PRKCQ: variants seen among roughly 807,000 people sequenced by gnomAD.
PRKCQ encodes protein kinase C theta type.
A neutral mutation model predicts 91.2 loss-of-function variants in PRKCQ; 41 were observed. The observed-to-expected ratio is 0.45, with a 90% CI of 0.35 to 0.58. The LOEUF (loss-of-function observed/expected upper bound fraction) is 0.58, where lower values mean the gene tolerates loss of function less well. PRKCQ is among the 20% of genes least tolerant of loss of function. The pLI, the probability that PRKCQ is intolerant of heterozygous loss-of-function variation, is 0.00. For missense variants in PRKCQ, 673 were observed against 896.5 expected (o/e 0.75, Z 3.18); for synonymous variants, 307 against 316.9 (o/e 0.97, Z 0.33).
In PRKCQ at chr10:6,544,167, G is replaced by A. The variant is rs143735319; in HGVS notation, c.-9-29023C>T. Among the ~76,000 whole-genome samples the A allele has an allele frequency of 4.8e-3, 730 of 152,256 alleles. 8 individuals are homozygous for A. The highest frequency in any genetic ancestry group is 0.017 in the South Asian group (83 of 4,816). On this transcript the variant is annotated intron_variant, in intron 1 of 17. Transcript: ENST00000263125. ...CAAAGGGTTATGTAGAATATTCATG[G>A]GAATTTTACCAATGGGGAAAATCAA...
intron 1 of PRKCQ, among the ~76,000 whole-genome samples, chr10:6,556,507 G>A (rs1451439939): frequency 1.3e-5 from 2 of 150,782 alleles, no homozygotes; most frequent in Admixed American, 6.6e-5. Flanking sequence ...GAGACAAAGA[G>A]TAGAAGGGGG....
At position 6,465,371 on chromosome 10, in the gene PRKCQ, G is replaced by A. The variant is rs111925139; in HGVS notation, c.1354-967C>T. ...TCAGTAGAGCTGGGGCCCTCGAGTGGCCACAGTCAGAAGTAGGGCTGGGTG... is the reference window on the plus strand; with the variant it reads ...TCAGTAGAGCTGGGGCCCTCGAGTGACCACAGTCAGAAGTAGGGCTGGGTG... On this transcript the variant is annotated intron_variant, in intron 12 of 17. Transcript: ENST00000263125. This position sits in a 1 kb window ranked among gnomAD's most constrained non-coding sequence, Gnocchi z 4.4. Among the ~76,000 whole-genome samples, 2,360 of 152,254 alleles carry A rather than the reference G, an allele frequency of 0.016. 23 individuals are homozygous for A. Among genetic ancestry groups the A allele is most frequent in the Non-Finnish European group, 0.025 (1,723 of 68,020 alleles).
At chr10:6,463,848 G>T (rs1044460942) in intron 13 of PRKCQ, among the ~76,000 whole-genome samples, 1 of 152,166 alleles carries the variant, frequency 6.6e-6, no homozygotes, top group Non-Finnish European at 1.5e-5. Flanking sequence ...CCCGTCTCCA[G>T]GTGTCTCAGG....
intron 1 of PRKCQ, among the ~76,000 whole-genome samples, chr10:6,559,594 G>A (rs1277770281): frequency 6.6e-6 from 1 of 152,062 alleles, no homozygotes; most frequent in Non-Finnish European, 1.5e-5. Flanking sequence ...CCTGACCTCA[G>A]GTGATCTGCC....
At chr10:6,479,768 A>G (rs1344365441) in intron 11 of PRKCQ, among the ~76,000 whole-genome samples, 2 of 20,162 alleles carry the variant, frequency 9.9e-5, no homozygotes, top group East Asian at 2.8e-3. Flanking sequence ...CGTCTCGACT[A>G]AAAAAAAAAA....
At chr10:6,404,255 G>GGAGAGAGAGAGAGAGAGA in the PRKCQ span, among the ~76,000 whole-genome samples, 15 of 34,366 alleles carry the variant, frequency 4.4e-4, 1 homozygote, top group Non-Finnish European at 7.9e-4. Flanking sequence ...GAAGGGGGGG[G>GGAGAGAGAGAGAGAGAGA]GAGAGAGAGA....
downstream of PRKCQ, among the ~76,000 whole-genome samples, chr10:6,424,892 A>G (rs1833079683): frequency 6.6e-6 from 1 of 152,154 alleles, no homozygotes; most frequent in South Asian, 2.1e-4. Flanking sequence ...ACCCTGAGGT[A>G]AAGTTCTCAT....
rs551002386 is a variant in PRKCQ, at chr10:6,553,793, T to C, written c.-10+26418A>G. Among the ~76,000 whole-genome samples, 24 of 152,322 alleles carry C rather than the reference T, an allele frequency of 1.6e-4. No individual in the cohort carries two copies. The South Asian group carries it at 4.8e-3, about 30-fold the overall frequency. On this transcript the variant is annotated intron_variant, in intron 1 of 17. Coordinates refer to ENST00000263125, the MANE Select transcript of PRKCQ (RefSeq NM_006257.5). The stretch of plus-strand genomic sequence containing the variant: ...TACTTCCAAATTTCTTACCAAACTT[T>C]AAAATCTATAAATGTGTCACTAAAT...
chr10:6,395,054 G>GTTTTT, the PRKCQ span, among the ~76,000 whole-genome samples: 2,069 of 129,534 alleles, frequency 0.016, 58 homozygotes, highest in Non-Finnish European at 0.025. Flanking sequence ...GGAAGCTGGA[G>GTTTTT]TCTTTTTTTT....
At chr10:6,531,574 C>T (rs543948051) in intron 1 of PRKCQ, among the ~76,000 whole-genome samples, 2 of 151,776 alleles carry the variant, frequency 1.3e-5, no homozygotes, top group African/African-American at 4.8e-5. Flanking sequence ...TTCCTCACCA[C>T]TTCTCATCAC....
downstream of PRKCQ, among the ~76,000 whole-genome samples, chr10:6,425,696 T>A (rs938250122): frequency 2.6e-5 from 4 of 152,156 alleles, no homozygotes; most frequent in Non-Finnish European, 5.9e-5. Context: ...TGATGAGGCC[T>A]GTAATCCCAG....
chr10:6,406,789 C>T, the PRKCQ span, among the ~76,000 whole-genome samples: 1 of 152,144 alleles, frequency 6.6e-6, no homozygotes, highest in African/African-American at 2.4e-5. Context: ...ACTGTCAAAA[C>T]CAACAAGGAA....
At chr10:6,395,534 G>A in the PRKCQ span, among the ~76,000 whole-genome samples, 1 of 152,148 alleles carries the variant, frequency 6.6e-6, no homozygotes, top group Admixed American at 6.5e-5. Context: ...AGCTTAGGGA[G>A]GGTCAGAATC....
At chr10:6,500,706 T>A (rs1008593554) in intron 4 of PRKCQ, among the ~76,000 whole-genome samples, 3 of 152,114 alleles carry the variant, frequency 2.0e-5, no homozygotes, top group African/African-American at 7.2e-5. Context: ...GTTTTTGCAA[T>A]TTTTTTTCTT....
the PRKCQ span, among the ~76,000 whole-genome samples, chr10:6,421,467 A>G: frequency 3.9e-5 from 6 of 152,224 alleles, no homozygotes. This position sits in a 1 kb window ranked among gnomAD's most constrained non-coding sequence, Gnocchi z 4.1. Context: ...CCTGGGTGAC[A>G]CAGTGAGGCC....
chr10:6,426,826 C>A (rs1029145920), downstream of PRKCQ, among the ~76,000 whole-genome samples: 3 of 152,240 alleles, frequency 2.0e-5, no homozygotes, highest in African/African-American at 7.2e-5. Context: ...GACTTCCTCA[C>A]CCTTTGTCTT....
chr10:6,522,115 T>C (rs547651614), intron 1 of PRKCQ, among the ~76,000 whole-genome samples: 1 of 152,208 alleles, frequency 6.6e-6, no homozygotes, highest in East Asian at 1.9e-4. Context: ...CTAAGTTTTG[T>C]ATTTTTAGTA....
At chr10:6,464,485 T>A in intron 12 of PRKCQ, 81 bp from the exon 13 acceptor site, 1 of 1,246,194 alleles carries the variant, frequency 8.0e-7, no homozygotes, top group Non-Finnish European at 1.2e-6. Flanking sequence ...GGTCTCACTC[T>A]GTCTCCCAGG....
intron 1 of PRKCQ, among the ~76,000 whole-genome samples, chr10:6,534,968 GT>G (rs1042800671): frequency 6.6e-6 from 1 of 152,016 alleles, no homozygotes; most frequent in African/African-American, 2.4e-5. Flanking sequence ...AAGGGAAAAT[GT>G]TTTTCATATA....
Sources: allele counts gnomAD v4.1 joint callset (sites outside exome capture counted in the v4.1 genomes callset), GRCh38; gene constraint gnomAD v4.1.1; non-coding constraint Gnocchi (gnomAD v3.1); transcripts MANE v1.5; gene names NCBI Gene and HGNC (gene_info 2026-07-23, HGNC 2026-07-21).